Variants in SLC25A13 observed in about 807,000 individuals in gnomAD.
The protein encoded by SLC25A13 is electrogenic aspartate/glutamate antiporter SLC25A13, mitochondrial.
In SLC25A13, 70 loss-of-function variants were observed where a neutral mutation model predicts 85.5. The observed-to-expected ratio is 0.82, with a 90% CI of 0.68 to 1.00. The LOEUF (loss-of-function observed/expected upper bound fraction) is 1.00. Among genes scored for constraint, SLC25A13 ranks in the 50% least tolerant of loss-of-function variants. The pLI is 0.00. For missense variants in SLC25A13, 765 were observed against 819.8 expected, an observed-to-expected ratio of 0.93 and a Z score of 0.82; for synonymous variants, 259 against 288.7, an observed-to-expected ratio of 0.90 and a Z score of 1.04.
intron 13 of SLC25A13, among the ~76,000 whole-genome samples, chr7:96,165,803 A>G (rs1007710134): frequency 6.6e-6 from 1 of 152,252 alleles, no homozygotes; most frequent in Non-Finnish European, 1.5e-5. Flanking sequence ...CTCCAACTGC[A>G]CTGTCAAGTT....
At chr7:96,191,369 C>G (rs1794843618) in intron 6 of SLC25A13, 122 bp from the exon 7 acceptor site, 1 of 1,044,848 alleles carries the variant, frequency 9.6e-7, no homozygotes, top group Admixed American at 2.5e-5. Context: ...GAAGAAATGA[C>G]TATAAGTATT....
intron 11 of SLC25A13, among the ~76,000 whole-genome samples, chr7:96,180,532 T>C (rs1288656038): frequency 6.6e-6 from 1 of 152,238 alleles, no homozygotes; most frequent in Non-Finnish European, 1.5e-5. Flanking sequence ...TTTGGCCATG[T>C]TGGCCAGGCT....
intron 12 of SLC25A13, among the ~76,000 whole-genome samples, 173 bp from the exon 13 acceptor site, chr7:96,170,298 T>C (rs561594304): frequency 4.6e-5 from 7 of 152,192 alleles, no homozygotes; most frequent in Non-Finnish European, 7.3e-5. Flanking sequence ...CTTAATAGTA[T>C]AATAGTTTTA....
chr7:96,226,636 T>C (rs150221291), intron 4 of SLC25A13, among the ~76,000 whole-genome samples: 38 of 152,010 alleles, frequency 2.5e-4, no homozygotes, highest in Non-Finnish European at 4.6e-4. Flanking sequence ...TTGCCACCCG[T>C]GATCTAGTAT....
intron 1 of SLC25A13, among the ~76,000 whole-genome samples, chr7:96,299,260 T>C (rs1799464517): frequency 6.6e-6 from 1 of 152,154 alleles, no homozygotes; most frequent in South Asian, 2.1e-4. Context: ...CCATCAGAAC[T>C]ACACCTCAAA....
chr7:96,234,761 G>A (rs1325128461), intron 4 of SLC25A13, 41 bp downstream of exon 4: 1 of 1,432,286 alleles, frequency 7.0e-7, no homozygotes, highest in African/African-American at 1.4e-5. Context: ...GCTCACACAA[G>A]TCCACACTTA....
chr7:96,154,051 C>T (rs1793153794), intron 13 of SLC25A13, among the ~76,000 whole-genome samples: 1 of 152,264 alleles, frequency 6.6e-6, no homozygotes, highest in Admixed American at 6.5e-5. Flanking sequence ...TTATAACAGT[C>T]AAATATTATA....
At chr7:96,211,669 T>C (rs1396652635) in intron 4 of SLC25A13, among the ~76,000 whole-genome samples, 1 of 152,200 alleles carries the variant, frequency 6.6e-6, no homozygotes, top group Non-Finnish European at 1.5e-5. Flanking sequence ...AAGTAGTTGC[T>C]GAATTTAAAT....
chr7:96,150,345 T>G (rs1313490262), intron 13 of SLC25A13, among the ~76,000 whole-genome samples: 1 of 152,152 alleles, frequency 6.6e-6, no homozygotes, highest in Non-Finnish European at 1.5e-5. Flanking sequence ...GTCATGAATA[T>G]TCATTAAACA....
intron 2 of SLC25A13, among the ~76,000 whole-genome samples, chr7:96,278,444 C>T (rs1340997738): frequency 6.6e-6 from 1 of 152,220 alleles, no homozygotes; most frequent in East Asian, 1.9e-4. Context: ...CCAATGCAGA[C>T]TAAGGCTTTG....
In SLC25A13 at chr7:96,191,081, G is replaced by A. The variant is rs142196212; in HGVS notation, c.754+28C>T. On this transcript the variant is annotated intron_variant, in intron 7 of 17. Transcript: ENST00000265631. Reference sequence around the variant, plus strand: ...TAATAATACACCACAATACTTGCAGGCTAGAATTCAGATATATTCTCACTC... The same window carrying A: ...TAATAATACACCACAATACTTGCAGACTAGAATTCAGATATATTCTCACTC... 3.4e-3 allele frequency: 5,446 copies of A among 1,613,296 alleles called. 7 individuals are homozygous for A. The highest frequency in any genetic ancestry group is 4.3e-3 in the Non-Finnish European group (5,019 of 1,179,716).
rs140964907 is a variant in SLC25A13 at position 96,226,473 on chromosome 7, C to G, written c.328+8329G>C. 2.3e-3 allele frequency among the ~76,000 whole-genome samples: 347 copies of G among 152,126 alleles called. 1 individual carries two copies. The highest frequency in any genetic ancestry group is 4.1e-3 in the South Asian group (20 of 4,826). ...GCGATGAACATGAGAGTTCTGATAC[C>G]TCTTTGAGATCCTGATTTTTGGATA... On this transcript the variant is annotated intron_variant, in intron 4 of 17. Coordinates refer to ENST00000265631, the MANE Select transcript of SLC25A13 (RefSeq NM_014251.3).
intron 3 of SLC25A13, among the ~76,000 whole-genome samples, chr7:96,272,854 C>T (rs1020688837): frequency 5.3e-5 from 8 of 152,130 alleles, no homozygotes; most frequent in Non-Finnish European, 7.3e-5. Context: ...TTAGAAAAAT[C>T]GCCACCTTTT....
chr7:96,160,070 T>C (rs569105451), intron 13 of SLC25A13, among the ~76,000 whole-genome samples: 15 of 152,210 alleles, frequency 9.9e-5, no homozygotes, highest in Non-Finnish European at 1.9e-4. Context: ...TGACTACTAC[T>C]ACCAGAATAG....
intron 5 of SLC25A13, among the ~76,000 whole-genome samples, chr7:96,198,844 C>T (rs1295313029): frequency 6.6e-6 from 1 of 151,958 alleles, no homozygotes; most frequent in African/African-American, 2.4e-5. Context: ...AGATACTCTA[C>T]CACAAAGGAA....
chr7:96,262,145 C>A (rs1002712118), intron 3 of SLC25A13, among the ~76,000 whole-genome samples: 4 of 152,138 alleles, frequency 2.6e-5, no homozygotes, highest in Non-Finnish European at 5.9e-5. Flanking sequence ...CATCCTGTAC[C>A]TCTAATTCTG....
chr7:96,197,402 G>C (rs910579577), intron 5 of SLC25A13, among the ~76,000 whole-genome samples: 2 of 152,058 alleles, frequency 1.3e-5, no homozygotes, highest in Non-Finnish European at 2.9e-5. Flanking sequence ...AATCTAAAAG[G>C]CCTTCTCCTG....
At chr7:96,145,251 T>C (rs1792733613) in intron 14 of SLC25A13, among the ~76,000 whole-genome samples, 1 of 152,138 alleles carries the variant, frequency 6.6e-6, no homozygotes, top group South Asian at 2.1e-4. Flanking sequence ...CATCACTTTA[T>C]ATTCAATCTT....
At chr7:96,152,570 CAA>C (rs1285031377) in intron 13 of SLC25A13, among the ~76,000 whole-genome samples, 1 of 152,004 alleles carries the variant, frequency 6.6e-6, no homozygotes, top group Non-Finnish European at 1.5e-5. Flanking sequence ...GTAATAGGAA[CAA>C]AGTGTTGGAA....
Sources: allele counts gnomAD v4.1 joint callset (sites outside exome capture counted in the v4.1 genomes callset), GRCh38; gene constraint gnomAD v4.1.1; transcripts MANE v1.5; gene names NCBI Gene and HGNC (gene_info 2026-07-23, HGNC 2026-07-21).